ZRANB1: variants seen among roughly 807,000 people sequenced by gnomAD.
The protein encoded by ZRANB1 is zinc finger RANBP2-type containing 1, also known as ubiquitin thioesterase ZRANB1.
ZRANB1 carries 16 observed loss-of-function variants against 80.5 expected under a neutral mutation model. The observed-to-expected ratio is 0.20, with a 90% CI of 0.13 to 0.30. The LOEUF is 0.30. ZRANB1 is among the 10% of genes least tolerant of loss of function. The pLI, the probability that ZRANB1 is intolerant of heterozygous loss-of-function variation, is 1.00. For missense variants in ZRANB1, 576 were observed against 862.6 expected (o/e 0.67, Z 4.16); for synonymous variants, 291 against 293.1 (o/e 0.99, Z 0.07).
intron 1 of ZRANB1, among the ~76,000 whole-genome samples, chr10:124,958,301 C>T (rs1204627950): frequency 6.6e-6 from 1 of 152,060 alleles, no homozygotes. Context: ...TGCCTGTAGT[C>T]CCAGGTATGT....
At chr10:124,979,873 T>C (rs1430010557) in intron 5 of ZRANB1, among the ~76,000 whole-genome samples, 1 of 152,264 alleles carries the variant, frequency 6.6e-6, no homozygotes, top group African/African-American at 2.4e-5. Flanking sequence ...TTCTATTGAT[T>C]TATTTTTCCA....
At chr10:124,932,281 ATTTTTTTTTTTT>A in the ZRANB1 span, among the ~76,000 whole-genome samples, 63,820 of 116,978 alleles carry the variant, frequency 0.55, 16,576 homozygotes, top group East Asian at 0.77. Context: ...GGGTGTAAAG[ATTTTTTTTTTTT>A]TTTTTTTTTT....
intron 1 of ZRANB1, among the ~76,000 whole-genome samples, chr10:124,962,085 A>G (rs1332246760): frequency 6.6e-6 from 1 of 152,236 alleles, no homozygotes; most frequent in Admixed American, 6.5e-5. Flanking sequence ...TTTGCTGTGA[A>G]TATCTCCAGG....
At chr10:124,922,008 C>G in the ZRANB1 span, among the ~76,000 whole-genome samples, 2 of 151,790 alleles carry the variant, frequency 1.3e-5, no homozygotes, top group Non-Finnish European at 2.9e-5. Flanking sequence ...CTGTGTCTCC[C>G]AGGCCAGAGT....
At chr10:124,970,042 T>A (rs1357040982) in intron 2 of ZRANB1, among the ~76,000 whole-genome samples, 2 of 152,190 alleles carry the variant, frequency 1.3e-5, no homozygotes, top group Non-Finnish European at 2.9e-5. Context: ...CTGATGGGAA[T>A]AAGCTATTTT....
chr10:124,927,306 A>G, the ZRANB1 span, among the ~76,000 whole-genome samples: 34 of 152,342 alleles, frequency 2.2e-4, 1 homozygote, highest in South Asian at 6.6e-3. Flanking sequence ...TTCCCTGGAT[A>G]TATGAAGAAA....
At chr10:124,963,191 G>A (rs377473720) in intron 1 of ZRANB1, among the ~76,000 whole-genome samples, 7 of 150,550 alleles carry the variant, frequency 4.6e-5, no homozygotes, top group South Asian at 2.1e-4. Flanking sequence ...GCTTGAACTC[G>A]GAAGGTGGAG....
chr10:124,975,005 C>G (rs1235989867), intron 5 of ZRANB1, among the ~76,000 whole-genome samples: 1 of 152,128 alleles, frequency 6.6e-6, no homozygotes, highest in African/African-American at 2.4e-5. Flanking sequence ...GCCATCTTTC[C>G]CAGGGTGGCT....
At chr10:124,961,158 C>T (rs11594588) in intron 1 of ZRANB1, among the ~76,000 whole-genome samples, 30 of 151,952 alleles carry the variant, frequency 2.0e-4, no homozygotes, top group African/African-American at 5.6e-4. Flanking sequence ...CACGCCCCCA[C>T]GCCCGGCTAA....
chr10:124,974,813 G>A (rs561533460), intron 5 of ZRANB1, among the ~76,000 whole-genome samples: 3 of 152,216 alleles, frequency 2.0e-5, no homozygotes, highest in South Asian at 2.1e-4. Context: ...TTGATCCATC[G>A]ATGGAAGCAG....
upstream of ZRANB1, among the ~76,000 whole-genome samples, chr10:124,941,259 A>T (rs1951534386): frequency 6.6e-6 from 1 of 152,192 alleles, no homozygotes; most frequent in South Asian, 2.1e-4. Flanking sequence ...GTTGCCATTA[A>T]ATTATGAAGT....
At chr10:124,951,411 A>G (rs1170616985) in intron 1 of ZRANB1, among the ~76,000 whole-genome samples, 2 of 152,244 alleles carry the variant, frequency 1.3e-5, no homozygotes, top group Non-Finnish European at 2.9e-5. Context: ...TTATATTACC[A>G]AGAAAATTAC....
At chr10:124,953,141 A>G (rs1951656423) in intron 1 of ZRANB1, among the ~76,000 whole-genome samples, 1 of 142,492 alleles carries the variant, frequency 7.0e-6, no homozygotes, top group South Asian at 2.2e-4. Context: ...CATATTGGCC[A>G]GGCTGGTCTC....
At chr10:124,972,441 T>A (rs1951835417) in intron 3 of ZRANB1, among the ~76,000 whole-genome samples, 1 of 152,240 alleles carries the variant, frequency 6.6e-6, no homozygotes, top group Non-Finnish European at 1.5e-5. Flanking sequence ...AAATCTCCTT[T>A]GAAAAATTTT....
chr10:124,926,430 T>A, the ZRANB1 span, among the ~76,000 whole-genome samples: 1 of 152,248 alleles, frequency 6.6e-6, no homozygotes, highest in Non-Finnish European at 1.5e-5. Context: ...TAAGCTTTTT[T>A]TGCCAAAAAC....
At chr10:124,917,769 G>T in the ZRANB1 span, among the ~76,000 whole-genome samples, 1 of 152,144 alleles carries the variant, frequency 6.6e-6, no homozygotes, top group South Asian at 2.1e-4. Context: ...AAATAAAGGT[G>T]GGGGACGACG....
At chr10:124,942,070 T>G (rs950059744), upstream of ZRANB1, 19 of 870,276 alleles carry the variant, frequency 2.2e-5, no homozygotes, top group Middle Eastern at 5.8e-4. Context: ...TTAGTTTGTG[T>G]TGTTTCCTCT....
chr10:124,918,966 T>G, the ZRANB1 span, among the ~76,000 whole-genome samples: 7 of 152,236 alleles, frequency 4.6e-5, no homozygotes, highest in African/African-American at 1.7e-4. Context: ...ATACCTTTTA[T>G]TAATGCCTCA....
At chr10:124,940,376 A>G, upstream of ZRANB1, 1 of 517,124 alleles carries the variant, frequency 1.9e-6, no homozygotes, top group Admixed American at 3.8e-5. Context: ...CTTTACAGGA[A>G]TAGCTATTCA....
Sources: gnomAD v4.1 joint callset for allele counts (sites outside exome capture counted in the v4.1 genomes callset) on GRCh38, gnomAD v4.1.1 for gene constraint, MANE v1.5 for transcripts, NCBI Gene and HGNC (gene_info 2026-07-23, HGNC 2026-07-21) for gene names.